Variants in SLC4A7 observed in about 807,000 individuals in gnomAD.
SLC4A7 encodes the protein solute carrier family 4 member 7, also known as sodium bicarbonate cotransporter 3.
SLC4A7 carries 51 observed loss-of-function variants against 137.6 expected under a neutral mutation model. The ratio of observed to expected loss-of-function variants is 0.37; its 90% CI spans 0.30 to 0.47. The LOEUF (loss-of-function observed/expected upper bound fraction) is 0.47, where lower values mean the gene tolerates loss of function less well. Ranked by LOEUF, SLC4A7 falls within the 20% of genes least tolerant of loss-of-function variation. The pLI is 1.00. For synonymous variants in SLC4A7, 542 were observed against 518.6 expected, an observed-to-expected ratio of 1.05 and a Z score of -0.61; for missense variants, 1,247 against 1,525.4, an observed-to-expected ratio of 0.82 and a Z score of 3.04.
intron 1 of SLC4A7, among the ~76,000 whole-genome samples, chr3:27,461,600 C>T (rs1285598565): frequency 6.8e-5 from 8 of 116,888 alleles, no homozygotes; most frequent in Admixed American, 5.7e-4. Context: ...AGAAAGACCT[C>T]GTTTACAAAA....
Position 27,436,424 on chromosome 3 carries a change from G to C in SLC4A7, c.553C>G (p.Leu185Val). The change falls in exon 5 of 26, where the codon CTG becomes GTG. Residue 185 changes from leucine (L) to valine (V), a missense_variant. Physicochemically the swap from Leu to Val is conservative, Grantham distance 32. Coordinates refer to ENST00000454389, the MANE Select transcript of SLC4A7 (RefSeq NM_001321103.2). ...TCTAGAGTGCTTGCTCTCATATCCAGCATGACTGTTCCATTGAGGATGCAA... is the reference window on the plus strand; with the variant it reads ...TCTAGAGTGCTTGCTCTCATATCCACCATGACTGTTCCATTGAGGATGCAA... ...RSCILNGTVM[L>V]DMRASTLDEI... The C allele has an allele frequency of 6.2e-7, 1 of 1,613,312 alleles. No homozygotes were observed. The highest frequency in any genetic ancestry group is 8.5e-7 in the Non-Finnish European group (1 of 1,179,598).
At chr3:27,476,712 A>C (rs891502315) in intron 1 of SLC4A7, among the ~76,000 whole-genome samples, 1 of 152,150 alleles carries the variant, frequency 6.6e-6, no homozygotes, top group Non-Finnish European at 1.5e-5. Context: ...CCATGTGAAG[A>C]CTTGCATGCT....
intron 1 of SLC4A7, among the ~76,000 whole-genome samples, chr3:27,467,313 C>T (rs1477114609): frequency 1.3e-5 from 2 of 152,136 alleles, no homozygotes; most frequent in Non-Finnish European, 2.9e-5. Flanking sequence ...ATACCTTCCC[C>T]TATATTAAAC....
chr3:27,450,395 TA>T (rs974456763), intron 2 of SLC4A7, among the ~76,000 whole-genome samples: 1 of 152,128 alleles, frequency 6.6e-6, no homozygotes, highest in African/African-American at 2.4e-5. Flanking sequence ...TGAATACATT[TA>T]AAAAAGTGTG....
At chr3:27,427,105 A>G (rs2055717122) in intron 7 of SLC4A7, among the ~76,000 whole-genome samples, 1 of 152,166 alleles carries the variant, frequency 6.6e-6, no homozygotes, top group African/African-American at 2.4e-5. Context: ...GACTTGTGAC[A>G]ATGTCTGGAG....
intron 14 of SLC4A7, among the ~76,000 whole-genome samples, chr3:27,404,572 T>C (rs965224395): frequency 2.6e-5 from 4 of 152,214 alleles, no homozygotes; most frequent in African/African-American, 9.6e-5. Context: ...AGGATTTGTA[T>C]TTAGCCCTCA....
At position 27,411,759 on chromosome 3, in the gene SLC4A7, C is replaced by CA. The variant is rs766384644; in HGVS notation, c.1660-12dup. On this transcript the variant is annotated splice_polypyrimidine_tract_variant and intron_variant, in intron 11 of 25. Coordinates refer to ENST00000454389, the MANE Select transcript of SLC4A7 (RefSeq NM_001321103.2). ...AATCTTTCTCTTTTCCTGAATTTCA[C>CA]AAAAAACATTATTTTCAGAATTCTA... is the stretch of plus-strand genomic sequence containing the variant. 5.1e-5 allele frequency: 73 copies of CA among 1,429,176 alleles called. No individual in the cohort carries two copies. Among genetic ancestry groups the CA allele is most frequent in the Admixed American group, 6.8e-5 (3 of 44,116 alleles). The allele number at this position is 1,429,176 out of a possible 1,614,324, so 88.5% of individuals were successfully genotyped here. A position where few individuals can be genotyped will look rare whatever the true frequency, so the allele number is the denominator to read the frequency against.
chr3:27,471,879 C>T (rs567596331), intron 1 of SLC4A7, among the ~76,000 whole-genome samples: 118 of 152,306 alleles, frequency 7.7e-4, no homozygotes, highest in African/African-American at 2.3e-3. Flanking sequence ...TTAGCCCATG[C>T]TCATTTTTTA....
intron 11 of SLC4A7, among the ~76,000 whole-genome samples, chr3:27,412,075 A>C (rs959000731): frequency 2.0e-5 from 3 of 152,146 alleles, no homozygotes; most frequent in East Asian, 1.9e-4. Flanking sequence ...ACCTCCAAAA[A>C]AGCATCTCTC....
chr3:27,408,253 GA>G (rs1168429814), intron 13 of SLC4A7, among the ~76,000 whole-genome samples: 1 of 152,160 alleles, frequency 6.6e-6, no homozygotes, highest in African/African-American at 2.4e-5. Flanking sequence ...CAAATAGCAA[GA>G]TTAGATGGGC....
intron 3 of SLC4A7, among the ~76,000 whole-genome samples, chr3:27,440,422 T>G (rs940878097): frequency 6.6e-6 from 1 of 152,120 alleles, no homozygotes; most frequent in East Asian, 1.9e-4. Context: ...TAGGATAATA[T>G]TCCCACTCCA....
At chr3:27,415,449 A>G (rs1295457462) in intron 11 of SLC4A7, among the ~76,000 whole-genome samples, 2 of 152,244 alleles carry the variant, frequency 1.3e-5, no homozygotes, top group African/African-American at 4.8e-5. Flanking sequence ...CAAAACAGTT[A>G]GCTAACCCTT....
At position 27,434,103 on chromosome 3, in the gene SLC4A7, A is replaced by G; in HGVS notation, c.591T>C (p.Asp197=). ...AAGCTATCATGTTGTCTAATACCAT[A>G]TCTATTCAATGAAAAAAAAAATAAA... ...MRASTLDEIA[D]MVLDNMIASG... The change falls in exon 6 of 26, where the codon GAT becomes GAC. Residue 197 remains aspartate, a splice_region_variant and synonymous_variant. Coordinates refer to ENST00000454389, the MANE Select transcript of SLC4A7 (RefSeq NM_001321103.2). The G allele has an allele frequency of 6.3e-7, 1 of 1,583,532 alleles. No homozygotes were observed. Among genetic ancestry groups the G allele is most frequent in the South Asian group, 1.2e-5 (1 of 85,598 alleles).
At chr3:27,428,054 G>A (rs1037667747) in intron 7 of SLC4A7, among the ~76,000 whole-genome samples, 1 of 152,132 alleles carries the variant, frequency 6.6e-6, no homozygotes, top group Non-Finnish European at 1.5e-5. Flanking sequence ...TGGAAAAAAT[G>A]GAAGGAAGTA....
At chr3:27,416,233 G>A (rs923923303) in intron 11 of SLC4A7, among the ~76,000 whole-genome samples, 8 of 152,266 alleles carry the variant, frequency 5.3e-5, no homozygotes, top group East Asian at 1.9e-4. Flanking sequence ...AGCATTTTAC[G>A]CATGTTAACT....
chr3:27,388,706 G>T (rs1452458814), intron 22 of SLC4A7, among the ~76,000 whole-genome samples: 2 of 151,962 alleles, frequency 1.3e-5, no homozygotes, highest in African/African-American at 4.8e-5. Flanking sequence ...TAAACATTTG[G>T]AATTAATTTG....
chr3:27,481,339 G>C (rs945406279), intron 1 of SLC4A7, among the ~76,000 whole-genome samples: 2 of 152,182 alleles, frequency 1.3e-5, no homozygotes, highest in African/African-American at 4.8e-5. Context: ...AACCATAGAG[G>C]CTAAACTATG....
intron 17 of SLC4A7, 32 bp from the exon 18 acceptor site, chr3:27,397,829 C>G: frequency 8.4e-7 from 1 of 1,190,350 alleles, no homozygotes; most frequent in Non-Finnish European, 1.2e-6. Flanking sequence ...AATATAAACA[C>G]AGAAATACTA....
intron 1 of SLC4A7, among the ~76,000 whole-genome samples, chr3:27,475,025 G>A (rs1432642102): frequency 1.3e-5 from 2 of 152,014 alleles, no homozygotes; most frequent in African/African-American, 4.8e-5. Flanking sequence ...CAGGACAATC[G>A]CTTGAACCTG....
Sources: gnomAD v4.1 joint callset for allele counts (sites outside exome capture counted in the v4.1 genomes callset) on GRCh38, gnomAD v4.1.1 for gene constraint, MANE v1.5 for transcripts, NCBI Gene and HGNC (gene_info 2026-07-23, HGNC 2026-07-21) for gene names.